The following CDH18 variants were observed in gnomAD, a reference collection of about 807,000 sequenced individuals.
CDH18 encodes the protein cadherin 18, also known as cadherin-18.
A neutral mutation model predicts 67.9 loss-of-function variants in CDH18; 31 were observed. That is an observed-to-expected ratio of 0.46 (90% CI 0.34 to 0.62). CDH18 has a LOEUF of 0.62. CDH18 is among the 20% of genes least tolerant of loss of function. The pLI is 0.01. For synonymous variants in CDH18, 362 were observed against 347.2 expected (o/e 1.04, Z -0.48); for missense variants, 890 against 975.5 (o/e 0.91, Z 1.17).
At chr5:20,538,369 T>G (rs2126578207) in intron 1 of CDH18, among the ~76,000 whole-genome samples, 1 of 152,318 alleles carries the variant, frequency 6.6e-6, no homozygotes, top group Non-Finnish European at 1.5e-5. Context: ...ATTTCATCTA[T>G]TTATCTTATG....
At chr5:19,968,959 G>A (rs13165417) in intron 2 of CDH18, among the ~76,000 whole-genome samples, 60,397 of 116,522 alleles carry the variant, frequency 0.52, 17,125 homozygotes, top group East Asian at 0.69. Flanking sequence ...CAAAGGGCTA[G>A]TATCCAGAAT....
chr5:19,692,093 T>C (rs76269989), intron 5 of CDH18, among the ~76,000 whole-genome samples: 191 of 152,176 alleles, frequency 1.3e-3, no homozygotes, highest in African/African-American at 4.4e-3. Flanking sequence ...TACAGCCATA[T>C]AATTTTTTAA....
At chr5:20,377,017 C>CAAA (rs34122318) in intron 1 of CDH18, among the ~76,000 whole-genome samples, 21 of 142,794 alleles carry the variant, frequency 1.5e-4, no homozygotes, top group African/African-American at 4.7e-4. Context: ...GACTCCGTCT[C>CAAA]AAAAAAAAAA....
intron 5 of CDH18, among the ~76,000 whole-genome samples, chr5:19,696,225 A>ATGTGTGTGTGTG (rs1192392126): frequency 5.6e-3 from 422 of 75,098 alleles, no homozygotes; most frequent in African/African-American, 0.016. Flanking sequence ...CACCAAATAT[A>ATGTGTGTGTGTG]TGTGTGTGTG....
At chr5:19,847,999 A>G (rs748907259) in intron 2 of CDH18, 1 of 152,284 alleles carries the variant, frequency 6.6e-6, no homozygotes, top group African/African-American at 2.4e-5. Flanking sequence ...TGGGCTATAC[A>G]AAAGGCAGAC....
At chr5:20,062,946 A>G (rs1315787419) in intron 2 of CDH18, among the ~76,000 whole-genome samples, 1 of 150,902 alleles carries the variant, frequency 6.6e-6, no homozygotes, top group Non-Finnish European at 1.5e-5. Context: ...TATTTATGTA[A>G]TATAATGTAC....
intron 1 of CDH18, among the ~76,000 whole-genome samples, chr5:20,459,438 GCTCT>G (rs1751089640): frequency 1.3e-5 from 2 of 152,158 alleles, no homozygotes; most frequent in Non-Finnish European, 2.9e-5. Flanking sequence ...AGCATCCCCT[GCTCT>G]CTGACAGAAG....
intron 1 of CDH18, chr5:20,305,282 A>G: frequency 6.8e-7 from 1 of 1,474,224 alleles, no homozygotes; most frequent in Middle Eastern, 1.7e-4. Flanking sequence ...AAACTTTTAA[A>G]GCCTCCTCTA....
chr5:19,879,249 G>A (rs1787359762), intron 2 of CDH18, among the ~76,000 whole-genome samples: 1 of 151,902 alleles, frequency 6.6e-6, no homozygotes, highest in South Asian at 2.1e-4. Context: ...CTAAGTGATT[G>A]AAAGGTTGTG....
intron 2 of CDH18, among the ~76,000 whole-genome samples, chr5:20,157,610 T>C (rs979214617): frequency 1.3e-5 from 2 of 151,980 alleles, no homozygotes; most frequent in Non-Finnish European, 2.9e-5. Flanking sequence ...AGTTTATTTC[T>C]TTTACTTTAT....
chr5:19,764,333 T>A (rs1262181962), intron 3 of CDH18, among the ~76,000 whole-genome samples: 1 of 152,084 alleles, frequency 6.6e-6, no homozygotes, highest in African/African-American at 2.4e-5. Context: ...TATAAATGTG[T>A]TAGCTCTGAA....
intron 1 of CDH18, among the ~76,000 whole-genome samples, chr5:20,295,705 C>T (rs963465032): frequency 3.3e-5 from 5 of 149,496 alleles, no homozygotes; most frequent in South Asian, 4.2e-4. Context: ...CTAGCCTCGG[C>T]GACAGGTCGA....
intron 2 of CDH18, among the ~76,000 whole-genome samples, chr5:20,022,645 T>C (rs1738530805): frequency 6.6e-6 from 1 of 152,138 alleles, no homozygotes; most frequent in Non-Finnish European, 1.5e-5. Context: ...TGTTAACTTG[T>C]AAAAATTTAA....
At chr5:20,204,129 C>T (rs1335473247) in intron 2 of CDH18, among the ~76,000 whole-genome samples, 4 of 151,874 alleles carry the variant, frequency 2.6e-5, no homozygotes, top group African/African-American at 4.8e-5. Context: ...ATATACACAT[C>T]CAGGTGCAGA....
At chr5:19,802,885 G>A (rs62355769) in intron 3 of CDH18, among the ~76,000 whole-genome samples, 9,033 of 152,274 alleles carry the variant, frequency 0.059, 311 homozygotes, top group Non-Finnish European at 0.076. Context: ...GTCTGGTGAC[G>A]GAAGTGTCAT....
At chr5:19,674,071 A>AT (rs1288635155) in intron 5 of CDH18, among the ~76,000 whole-genome samples, 5 of 152,010 alleles carry the variant, frequency 3.3e-5, no homozygotes, top group Admixed American at 6.6e-5. Context: ...ACCTTCTTTT[A>AT]TTTTTTTGTC....
At position 19,885,149 on chromosome 5, in the gene CDH18, T is replaced by C. The variant is rs562342048; in HGVS notation, c.-256-45907A>G. 3.9e-5 allele frequency among the ~76,000 whole-genome samples: 6 copies of C among 152,302 alleles called. No homozygotes were observed. The South Asian group carries it at 6.2e-4, about 16-fold the overall frequency. On this transcript the variant is annotated intron_variant, in intron 2 of 12. Transcript: ENST00000382275. Reference sequence around the variant, plus strand: ...ACTTTGTGGTTAAGGGAATGAACTCTGGTGCCAACATATCAAAGTTCAAAA... The same window carrying C: ...ACTTTGTGGTTAAGGGAATGAACTCCGGTGCCAACATATCAAAGTTCAAAA...
intron 5 of CDH18, among the ~76,000 whole-genome samples, chr5:19,655,425 T>C (rs1241576458): frequency 6.6e-6 from 1 of 151,660 alleles, no homozygotes; most frequent in Non-Finnish European, 1.5e-5. Flanking sequence ...TTCACTAATG[T>C]ATCAGTAATA....
At chr5:20,092,948 T>G (rs1325953065) in intron 2 of CDH18, among the ~76,000 whole-genome samples, 1 of 152,172 alleles carries the variant, frequency 6.6e-6, no homozygotes, top group East Asian at 1.9e-4. Context: ...ACTGATTAAG[T>G]TAAAAATTAT....
Sources: allele counts gnomAD v4.1 joint callset (sites outside exome capture counted in the v4.1 genomes callset), GRCh38; gene constraint gnomAD v4.1.1; transcripts MANE v1.5; gene names NCBI Gene and HGNC (gene_info 2026-07-23, HGNC 2026-07-21).